Variants in BICC1 observed in about 807,000 individuals in gnomAD.
The protein encoded by BICC1 is protein bicaudal C homolog 1.
In BICC1, 43 loss-of-function variants were observed where a neutral mutation model predicts 111.0. The ratio of observed to expected loss-of-function variants is 0.39; its 90% CI spans 0.30 to 0.50. The LOEUF is 0.50. Ranked by LOEUF, BICC1 falls within the 20% of genes least tolerant of loss-of-function variation. BICC1 has a pLI of 0.88. For missense variants in BICC1, 1,091 were observed against 1,203.2 expected (o/e 0.91, Z 1.38); for synonymous variants, 467 against 434.4 (o/e 1.07, Z -0.93).
At chr10:58,635,720 CCA>C (rs1236707074) in intron 2 of BICC1, among the ~76,000 whole-genome samples, 2 of 152,110 alleles carry the variant, frequency 1.3e-5, no homozygotes, top group Non-Finnish European at 2.9e-5. Flanking sequence ...ACTTTGTTTC[CCA>C]TTGCCCCTCA....
chr10:58,693,664 G>A (rs1027320728), intron 2 of BICC1, among the ~76,000 whole-genome samples: 28 of 152,052 alleles, frequency 1.8e-4, no homozygotes, highest in African/African-American at 5.8e-4. Context: ...GTCTTCTTTT[G>A]AGAAGTGTCT....
intron 8 of BICC1, 27 bp downstream of exon 8, chr10:58,789,960 AT>A: frequency 6.2e-7 from 1 of 1,610,804 alleles, no homozygotes; most frequent in Non-Finnish European, 8.5e-7. Context: ...AAGTGTTACA[AT>A]TTTTTTAAAC....
chr10:58,771,277 G>A (rs1205162455), intron 3 of BICC1, among the ~76,000 whole-genome samples: 2 of 152,066 alleles, frequency 1.3e-5, no homozygotes, highest in East Asian at 1.9e-4. Flanking sequence ...ATAGAGGAAG[G>A]GGGAATAAAG....
chr10:58,513,767 G>A (rs1397586154), intron 1 of BICC1, among the ~76,000 whole-genome samples: 2 of 152,138 alleles, frequency 1.3e-5, no homozygotes, highest in Non-Finnish European at 2.9e-5. Flanking sequence ...CCCCTTGTCA[G>A]TATCCACTTC....
intron 3 of BICC1, among the ~76,000 whole-genome samples, chr10:58,763,062 A>AT (rs1488214430): frequency 2.6e-5 from 4 of 151,962 alleles, no homozygotes; most frequent in Admixed American, 6.6e-5. Context: ...TATAGGAAAA[A>AT]AAACACTGAG....
chr10:58,598,537 C>T (rs549376722), intron 1 of BICC1, among the ~76,000 whole-genome samples: 44 of 152,236 alleles, frequency 2.9e-4, no homozygotes, highest in South Asian at 8.3e-4. Context: ...ACTGTAAGAC[C>T]TAGGACCATA....
At chr10:58,515,378 A>C (rs1344525559) in intron 1 of BICC1, among the ~76,000 whole-genome samples, 2 of 152,140 alleles carry the variant, frequency 1.3e-5, no homozygotes, top group African/African-American at 4.8e-5. Flanking sequence ...AGCCTGCTAC[A>C]CCTACTACCT....
intron 2 of BICC1, among the ~76,000 whole-genome samples, chr10:58,624,198 C>T (rs1311998222): frequency 6.6e-6 from 1 of 152,126 alleles, no homozygotes; most frequent in East Asian, 1.9e-4. Context: ...GTGTGCCTGT[C>T]TCTATGTCCA....
At chr10:58,644,825 G>A (rs1178828993) in intron 2 of BICC1, among the ~76,000 whole-genome samples, 1 of 152,072 alleles carries the variant, frequency 6.6e-6, no homozygotes, top group East Asian at 1.9e-4. Context: ...TAAGTTAAAA[G>A]CAGTGATAGA....
chr10:58,626,870 C>T (rs906279405), intron 2 of BICC1, among the ~76,000 whole-genome samples: 8 of 152,218 alleles, frequency 5.3e-5, no homozygotes, highest in African/African-American at 1.7e-4. Flanking sequence ...TTTGGGAGGC[C>T]GAGGTGGGCA....
At chr10:58,693,279 G>C (rs1041347972) in intron 2 of BICC1, among the ~76,000 whole-genome samples, 2 of 152,114 alleles carry the variant, frequency 1.3e-5, no homozygotes, top group Admixed American at 1.3e-4. Flanking sequence ...ATTTAGTTTG[G>C]TTCCAAGTCT....
chr10:58,526,276 C>T (rs1842540120), intron 1 of BICC1, among the ~76,000 whole-genome samples: 1 of 151,900 alleles, frequency 6.6e-6, no homozygotes, highest in Admixed American at 6.6e-5. Flanking sequence ...GACCTAGACA[C>T]TAGTTTTCCA....
In BICC1 at chr10:58,724,568, T is replaced by C. The variant is rs369694557; in HGVS notation, c.307+22425T>C. On this transcript the variant is annotated intron_variant, in intron 3 of 20. Transcript: ENST00000373886. ...TGTGACCTGTGCCATCCCAGGACTATGTACAGGATTCCTTGGAGTCATAAG... is the reference window on the plus strand; with the variant it reads ...TGTGACCTGTGCCATCCCAGGACTACGTACAGGATTCCTTGGAGTCATAAG... Among the ~76,000 whole-genome samples the C allele has an allele frequency of 3.3e-5, 5 of 152,348 alleles. No individual in the cohort carries two copies. The East Asian group carries it at 7.7e-4, about 24-fold the overall frequency.
At chr10:58,759,702 G>GT (rs1288515782) in intron 3 of BICC1, among the ~76,000 whole-genome samples, 1 of 152,122 alleles carries the variant, frequency 6.6e-6, no homozygotes, top group Non-Finnish European at 1.5e-5. Flanking sequence ...GCTCACACCT[G>GT]TAATCCCAGC....
intron 1 of BICC1, among the ~76,000 whole-genome samples, chr10:58,607,317 A>AAAATAAATATATAAATAAATAAATAAAT (rs1845254958): frequency 7.4e-6 from 1 of 134,674 alleles, no homozygotes; most frequent in Non-Finnish European, 1.6e-5. Context: ...ACTCTGTCTC[A>AAAATAAATATATAAATAAATAAATAAAT]AAATAAATAA....
At chr10:58,790,044 C>T (rs1843130533) in intron 8 of BICC1, 111 bp downstream of exon 8, 7 of 1,235,682 alleles carry the variant, frequency 5.7e-6, no homozygotes, top group African/African-American at 1.5e-5. Context: ...TCGGAAGCCT[C>T]GTCAAATAAG....
chr10:58,609,749 C>T (rs923321607), intron 1 of BICC1, among the ~76,000 whole-genome samples: 5 of 152,158 alleles, frequency 3.3e-5, no homozygotes, highest in South Asian at 2.1e-4. Context: ...TATTGGATGG[C>T]GTAGCTCTAT....
chr10:58,692,778 C>G (rs1384321025), intron 2 of BICC1, among the ~76,000 whole-genome samples: 1 of 151,214 alleles, frequency 6.6e-6, no homozygotes, highest in Non-Finnish European at 1.5e-5. Context: ...GAAAAATCTT[C>G]TAGAATTTCT....
chr10:58,825,693 T>C (rs1282646541), intron 20 of BICC1, among the ~76,000 whole-genome samples: 1 of 152,186 alleles, frequency 6.6e-6, no homozygotes, highest in Non-Finnish European at 1.5e-5. Context: ...AAGTATCCGC[T>C]TAAAGCACTA....
Sources: gnomAD v4.1 joint callset for allele counts (sites outside exome capture counted in the v4.1 genomes callset) on GRCh38, gnomAD v4.1.1 for gene constraint, MANE v1.5 for transcripts, NCBI Gene and HGNC (gene_info 2026-07-23, HGNC 2026-07-21) for gene names.